Variants in RANBP2 observed in about 807,000 individuals in gnomAD.
RANBP2 encodes E3 SUMO-protein ligase RanBP2.
In RANBP2, 57 loss-of-function variants were observed where a neutral mutation model predicts 303.6. The observed-to-expected ratio is 0.19, with a 90% confidence interval of 0.15 to 0.23. The LOEUF (loss-of-function observed/expected upper bound fraction) is 0.23, where lower values mean the gene tolerates loss of function less well. Among genes scored for constraint, RANBP2 ranks in the 10% least tolerant of loss-of-function variants. RANBP2 has a pLI of 1.00. For synonymous variants in RANBP2, 1,167 were observed against 1,301.5 expected (o/e 0.90, Z 2.23); for missense variants, 3,138 against 3,780.8 (o/e 0.83, Z 4.46).
chr2:109,553,387 T>TA, the RANBP2 span, among the ~76,000 whole-genome samples: 1 of 139,614 alleles, frequency 7.2e-6, no homozygotes, highest in African/African-American at 2.7e-5. Context: ...TCTACAAAAA[T>TA]AAAAAAATTA....
the RANBP2 span, among the ~76,000 whole-genome samples, chr2:108,967,739 A>T: frequency 6.6e-6 from 1 of 152,312 alleles, no homozygotes; most frequent in East Asian, 1.9e-4. Context: ...AACACAGTCT[A>T]TTGGGAAAAA....
At chr2:109,642,063 C>G in the RANBP2 span, among the ~76,000 whole-genome samples, 4 of 152,010 alleles carry the variant, frequency 2.6e-5, no homozygotes, top group Non-Finnish European at 4.4e-5. Context: ...CTTGGCCTCC[C>G]AAAGTGCTGG....
the RANBP2 span, among the ~76,000 whole-genome samples, chr2:108,836,417 G>C: frequency 0.02 from 3,035 of 152,194 alleles, 99 homozygotes; most frequent in African/African-American, 0.07. Flanking sequence ...ATAGATATTT[G>C]GGCAGCTACC....
At chr2:109,532,740 G>A in the RANBP2 span, among the ~76,000 whole-genome samples, 13 of 151,796 alleles carry the variant, frequency 8.6e-5, no homozygotes, top group South Asian at 2.3e-3. Flanking sequence ...AAGAGCCCAC[G>A]ATGCTCTAAT....
chr2:109,719,789 G>T, the RANBP2 span, among the ~76,000 whole-genome samples: 1 of 152,190 alleles, frequency 6.6e-6, no homozygotes, highest in African/African-American at 2.4e-5. Context: ...CAAGGGGTCT[G>T]CTTAGAAGGC....
At chr2:109,609,049 CA>C in the RANBP2 span, among the ~76,000 whole-genome samples, 1 of 152,202 alleles carries the variant, frequency 6.6e-6, no homozygotes, top group South Asian at 2.1e-4. Flanking sequence ...CAAAATATAT[CA>C]ATCAATCAAT....
At chr2:109,133,720 CA>C in the RANBP2 span, among the ~76,000 whole-genome samples, 6 of 111,252 alleles carry the variant, frequency 5.4e-5, no homozygotes, top group Admixed American at 2.0e-4. Flanking sequence ...TCCCAAGGGA[CA>C]ATTTTTTTTT....
At chr2:108,871,799 A>T in the RANBP2 span, among the ~76,000 whole-genome samples, 1 of 152,168 alleles carries the variant, frequency 6.6e-6, no homozygotes, top group Non-Finnish European at 1.5e-5. Context: ...TCTGATTTTT[A>T]AAAGTGATAT....
At chr2:109,132,463 G>T in the RANBP2 span, among the ~76,000 whole-genome samples, 808 of 152,242 alleles carry the variant, frequency 5.3e-3, 6 homozygotes, top group African/African-American at 0.018. Flanking sequence ...GTCCCCTGAC[G>T]TGGTTAGCAG....
chr2:109,326,640 A>G, the RANBP2 span, among the ~76,000 whole-genome samples: 3 of 152,198 alleles, frequency 2.0e-5, no homozygotes, highest in Non-Finnish European at 4.4e-5. Context: ...ATTTGTGTTC[A>G]TAGCCTTTTC....
the RANBP2 span, among the ~76,000 whole-genome samples, chr2:109,514,077 C>T: frequency 5.6e-4 from 86 of 152,282 alleles, no homozygotes; most frequent in African/African-American, 1.9e-3. Context: ...CATGTTCCCA[C>T]GGTCCTTAGA....
the RANBP2 span, among the ~76,000 whole-genome samples, chr2:109,244,856 C>A: frequency 6.6e-6 from 1 of 152,214 alleles, no homozygotes; most frequent in African/African-American, 2.4e-5. Flanking sequence ...ACCTTTCCCA[C>A]TGCAGCCTGT....
chr2:109,328,099 T>G, the RANBP2 span, among the ~76,000 whole-genome samples: 5 of 152,224 alleles, frequency 3.3e-5, no homozygotes, highest in Non-Finnish European at 5.9e-5. Context: ...TATTTCAGTA[T>G]GTATTACCAA....
the RANBP2 span, among the ~76,000 whole-genome samples, chr2:109,313,123 T>C: frequency 6.6e-6 from 1 of 152,156 alleles, no homozygotes; most frequent in Non-Finnish European, 1.5e-5. Context: ...TAGGTAATAT[T>C]TGCCCTGTGC....
chr2:108,961,008 A>G, the RANBP2 span, among the ~76,000 whole-genome samples: 2 of 152,226 alleles, frequency 1.3e-5, no homozygotes, highest in Non-Finnish European at 2.9e-5. Context: ...TTATTTCCTT[A>G]CAATAGAGTC....
At chr2:109,480,208 C>CA in the RANBP2 span, among the ~76,000 whole-genome samples, 1 of 152,226 alleles carries the variant, frequency 6.6e-6, no homozygotes, top group Non-Finnish European at 1.5e-5. Flanking sequence ...TGCATGGCAC[C>CA]AAACATCTGT....
At chr2:109,162,925 G>A in the RANBP2 span, among the ~76,000 whole-genome samples, 2 of 152,140 alleles carry the variant, frequency 1.3e-5, no homozygotes, top group Non-Finnish European at 2.9e-5. Context: ...AGAGCCTCTT[G>A]GCTGATGCCT....
At chr2:109,143,555 C>A in the RANBP2 span, among the ~76,000 whole-genome samples, 2 of 151,934 alleles carry the variant, frequency 1.3e-5, no homozygotes, top group African/African-American at 4.8e-5. Context: ...CCAGCCTGGG[C>A]AACATAGCAA....
chr2:109,368,343 G>C, the RANBP2 span, among the ~76,000 whole-genome samples: 1 of 152,112 alleles, frequency 6.6e-6, no homozygotes, highest in African/African-American at 2.4e-5. Flanking sequence ...CCCAGTTCAA[G>C]ATTAAACATC....
Sources: gnomAD v4.1 joint callset for allele counts (sites outside exome capture counted in the v4.1 genomes callset) on GRCh38, gnomAD v4.1.1 for gene constraint, MANE v1.5 for transcripts, NCBI Gene and HGNC (gene_info 2026-07-23, HGNC 2026-07-21) for gene names.